The following DTNBP1 variants were observed in gnomAD, a reference collection of about 807,000 sequenced individuals.
DTNBP1 encodes the protein dystrobrevin binding protein 1.
A neutral mutation model predicts 42.8 loss-of-function variants in DTNBP1; 35 were observed. The observed-to-expected ratio is 0.82, with a 90% CI of 0.63 to 1.09. The LOEUF (loss-of-function observed/expected upper bound fraction) is 1.09, where lower values mean the gene tolerates loss of function less well. DTNBP1 is among the 50% of genes least tolerant of loss of function. The pLI, the probability that DTNBP1 is intolerant of heterozygous loss-of-function variation, is 0.00. For synonymous variants in DTNBP1, 171 were observed against 162.2 expected (o/e 1.05, Z -0.41); for missense variants, 457 against 424.2 (o/e 1.08, Z -0.68).
chr6:15,549,323 A>G (rs1278403076), intron 7 of DTNBP1, among the ~76,000 whole-genome samples: 1 of 151,746 alleles, frequency 6.6e-6, no homozygotes, highest in East Asian at 1.9e-4. Context: ...TGTCTCTACT[A>G]AAAATACAAA....
At chr6:15,651,122 G>A (rs1160055199) in intron 3 of DTNBP1, among the ~76,000 whole-genome samples, 191 bp downstream of exon 3, 1 of 152,156 alleles carries the variant, frequency 6.6e-6, no homozygotes, top group Non-Finnish European at 1.5e-5. Flanking sequence ...TCTGCTCAAA[G>A]TTTGAATGGA....
At chr6:15,581,974 C>T in intron 7 of DTNBP1, among the ~76,000 whole-genome samples, 1 of 152,100 alleles carries the variant, frequency 6.6e-6, no homozygotes, top group East Asian at 1.9e-4. Flanking sequence ...TTCCAGGGTT[C>T]TGCAGCATAA....
At chr6:15,619,371 T>C (rs1758910386) in intron 5 of DTNBP1, among the ~76,000 whole-genome samples, 1 of 151,910 alleles carries the variant, frequency 6.6e-6, no homozygotes, top group South Asian at 2.1e-4. Context: ...AAGCAAAAAA[T>C]ATACGTAAAT....
chr6:15,638,878 C>T (rs1024543304), intron 3 of DTNBP1, among the ~76,000 whole-genome samples: 2 of 149,800 alleles, frequency 1.3e-5, no homozygotes, highest in Non-Finnish European at 3.0e-5. Flanking sequence ...CACTCTGTCA[C>T]GCGGGCTGGA....
In DTNBP1 at chr6:15,662,871, G is replaced by T; in HGVS notation, c.-2C>A. ...CCGCTCGCGAAGGGTCTCCAGCATTGCCGCCGCCGCCGGTCTCCTCTCCTC... is the reference window on the plus strand; with the variant it reads ...CCGCTCGCGAAGGGTCTCCAGCATTTCCGCCGCCGCCGGTCTCCTCTCCTC... On this transcript the variant is annotated 5_prime_UTR_variant, in exon 1 of 10. Coordinates refer to ENST00000344537, the MANE Select transcript of DTNBP1 (RefSeq NM_032122.5). 6.2e-7 allele frequency: 1 copy of T among 1,602,884 alleles called. No individual in the cohort carries two copies.
chr6:15,607,044 T>G (rs1308138272), intron 6 of DTNBP1, among the ~76,000 whole-genome samples: 1 of 146,382 alleles, frequency 6.8e-6, no homozygotes, highest in African/African-American at 2.6e-5. Context: ...AGAGTCTCAC[T>G]CTGTAACCCA....
At chr6:15,572,432 T>A (rs1023893282) in intron 7 of DTNBP1, among the ~76,000 whole-genome samples, 1 of 152,240 alleles carries the variant, frequency 6.6e-6, no homozygotes, top group Non-Finnish European at 1.5e-5. Context: ...GATTTTTCTG[T>A]TGTTCCTATA....
At chr6:15,528,368 C>T (rs1442332767) in intron 8 of DTNBP1, among the ~76,000 whole-genome samples, 3 of 148,436 alleles carry the variant, frequency 2.0e-5, no homozygotes, top group African/African-American at 7.8e-5. Context: ...CACTAGATGC[C>T]AATAGCACAC....
intron 1 of DTNBP1, among the ~76,000 whole-genome samples, chr6:15,657,895 G>C (rs576562149): frequency 6.6e-6 from 1 of 152,088 alleles, no homozygotes; most frequent in Non-Finnish European, 1.5e-5. Flanking sequence ...CAAATCTATC[G>C]CAATTTCTCC....
intron 7 of DTNBP1, among the ~76,000 whole-genome samples, chr6:15,566,701 C>CT (rs368168358): frequency 0.13 from 16,987 of 132,980 alleles, 1,659 homozygotes; most frequent in African/African-American, 0.24. Flanking sequence ...AATGAATCTC[C>CT]TTTTTTTTTT....
At chr6:15,534,659 C>CAA (rs34234744) in intron 7 of DTNBP1, among the ~76,000 whole-genome samples, 130 of 99,190 alleles carry the variant, frequency 1.3e-3, no homozygotes, top group Non-Finnish European at 2.0e-3. Context: ...GACTCTGTCT[C>CAA]AAAAAAAAAA....
intron 1 of DTNBP1, among the ~76,000 whole-genome samples, chr6:15,662,177 C>T (rs902148272): frequency 6.6e-6 from 1 of 152,246 alleles, no homozygotes; most frequent in South Asian, 2.1e-4. Context: ...AAAAGCATTC[C>T]TAAAGTTCTG....
chr6:15,593,218 T>C (rs750201646), intron 6 of DTNBP1, 137 bp from the exon 7 acceptor site: 23 of 796,968 alleles, frequency 2.9e-5, no homozygotes, highest in South Asian at 3.6e-5. Flanking sequence ...ATATCAGTTA[T>C]ACTTTACTGA....
At chr6:15,591,633 T>C (rs994930488) in intron 7 of DTNBP1, among the ~76,000 whole-genome samples, 29 of 152,324 alleles carry the variant, frequency 1.9e-4, no homozygotes, top group African/African-American at 6.3e-4. Context: ...TATCGGGTAA[T>C]ATACAACACT....
chr6:15,650,406 G>A (rs10949308), intron 3 of DTNBP1, among the ~76,000 whole-genome samples: 22,341 of 95,702 alleles, frequency 0.23, 1,841 homozygotes, highest in East Asian at 0.34. Flanking sequence ...CCTCAGCCCC[G>A]AGTAGCTAGG....
intron 7 of DTNBP1, among the ~76,000 whole-genome samples, chr6:15,590,229 C>T (rs1776240175): frequency 6.6e-6 from 1 of 152,132 alleles, no homozygotes; most frequent in Non-Finnish European, 1.5e-5. Flanking sequence ...CCACCATGCC[C>T]GGCCTATTCA....
chr6:15,550,180 C>T (rs1413283868), intron 7 of DTNBP1, among the ~76,000 whole-genome samples: 1 of 151,710 alleles, frequency 6.6e-6, no homozygotes, highest in African/African-American at 2.4e-5. Flanking sequence ...CACTGAAGAA[C>T]ACTTAAAAAT....
At chr6:15,523,856 T>A in intron 9 of DTNBP1, 1 of 1,287,162 alleles carries the variant, frequency 7.8e-7, no homozygotes, top group Non-Finnish European at 1.0e-6. Flanking sequence ...GTGAGAAGTT[T>A]AGAGGAAGCT....
At chr6:15,614,580 T>C (rs1182515097) in intron 6 of DTNBP1, among the ~76,000 whole-genome samples, 2 of 152,184 alleles carry the variant, frequency 1.3e-5, no homozygotes, top group Non-Finnish European at 2.9e-5. Flanking sequence ...TTCTCTGAGA[T>C]GGCCACTGCA....
Sources: allele counts gnomAD v4.1 joint callset (sites outside exome capture counted in the v4.1 genomes callset), GRCh38; gene constraint gnomAD v4.1.1; transcripts MANE v1.5; gene names NCBI Gene and HGNC (gene_info 2026-07-23, HGNC 2026-07-21).